Variants in IMPG1 observed in about 807,000 individuals in gnomAD.
IMPG1 encodes the protein interphotoreceptor matrix proteoglycan of 150 kDa.
Under a neutral mutation model 92.0 loss-of-function variants are expected in IMPG1, and 85 were observed. That is an observed-to-expected ratio of 0.92 (90% CI 0.78 to 1.11). The LOEUF is 1.11. Ranked by LOEUF, IMPG1 falls within the 50% of genes least tolerant of loss-of-function variation. The pLI, the probability that IMPG1 is intolerant of heterozygous loss-of-function variation, is 0.00. For missense variants in IMPG1, 1,022 were observed against 956.0 expected (o/e 1.07, Z -0.91); for synonymous variants, 367 against 334.1 (o/e 1.10, Z -1.08).
chr6:76,014,027 C>T (rs774330406), intron 7 of IMPG1, among the ~76,000 whole-genome samples: 1 of 152,172 alleles, frequency 6.6e-6, no homozygotes, highest in East Asian at 1.9e-4. Flanking sequence ...TGATCCGGAG[C>T]TCTTTGTACG....
intron 6 of IMPG1, among the ~76,000 whole-genome samples, 173 bp downstream of exon 6, chr6:76,021,943 C>T (rs1783434350): frequency 6.6e-6 from 1 of 151,318 alleles, no homozygotes; most frequent in South Asian, 2.1e-4. Flanking sequence ...CCCCTCAGTA[C>T]CTAGGAAGAA....
At chr6:75,965,506 C>T (rs1197960907) in intron 12 of IMPG1, among the ~76,000 whole-genome samples, 4 of 151,716 alleles carry the variant, frequency 2.6e-5, no homozygotes, top group East Asian at 1.9e-4. Flanking sequence ...GGTAAAATGT[C>T]CCTCCCTATT....
At chr6:75,972,516 T>A (rs1227380296) in intron 12 of IMPG1, among the ~76,000 whole-genome samples, 1 of 152,134 alleles carries the variant, frequency 6.6e-6, no homozygotes, top group African/African-American at 2.4e-5. Context: ...AGACCTGCTG[T>A]CCACTCTTTC....
At chr6:75,958,487 C>T (rs1245672112) in intron 12 of IMPG1, among the ~76,000 whole-genome samples, 1 of 152,170 alleles carries the variant, frequency 6.6e-6, no homozygotes, top group Non-Finnish European at 1.5e-5. Flanking sequence ...CATTTTCCAA[C>T]TTGGTTCCAT....
At chr6:75,934,135 A>T (rs957813597) in intron 14 of IMPG1, among the ~76,000 whole-genome samples, 4 of 152,176 alleles carry the variant, frequency 2.6e-5, no homozygotes, top group Non-Finnish European at 5.9e-5. Context: ...TGGCAGACAT[A>T]TCAGACTTCC....
chr6:75,949,978 T>C (rs1019618699), intron 13 of IMPG1, among the ~76,000 whole-genome samples: 4 of 152,208 alleles, frequency 2.6e-5, no homozygotes, highest in Non-Finnish European at 5.9e-5. Flanking sequence ...TTTCTTATTG[T>C]ATATGTAGAA....
intron 6 of IMPG1, among the ~76,000 whole-genome samples, chr6:76,020,046 T>C (rs147051297): frequency 4.6e-5 from 7 of 152,222 alleles, no homozygotes; most frequent in African/African-American, 1.7e-4. Context: ...AATATTTTAT[T>C]TATTTCTTTT....
intron 2 of IMPG1, among the ~76,000 whole-genome samples, 160 bp downstream of exon 2, chr6:76,041,733 T>C (rs1783845966): frequency 6.6e-6 from 1 of 152,236 alleles, no homozygotes; most frequent in African/African-American, 2.4e-5. Context: ...GTTTTGAATG[T>C]TTATTATTCA....
intron 14 of IMPG1, among the ~76,000 whole-genome samples, chr6:75,945,571 G>C (rs943365286): frequency 6.6e-6 from 1 of 151,932 alleles, no homozygotes; most frequent in African/African-American, 2.4e-5. Context: ...GGCTGATTTC[G>C]AACTCCTGAC....
chr6:76,009,631 T>C (rs1407791880), intron 8 of IMPG1, among the ~76,000 whole-genome samples: 1 of 152,216 alleles, frequency 6.6e-6, no homozygotes, highest in Admixed American at 6.5e-5. Context: ...ACTGGGAAAA[T>C]GTGATCAAAC....
intron 1 of IMPG1, among the ~76,000 whole-genome samples, chr6:76,069,808 A>T (rs1368752408): frequency 6.6e-6 from 1 of 152,166 alleles, no homozygotes; most frequent in Non-Finnish European, 1.5e-5. Flanking sequence ...AACAAACCAA[A>T]AATGAAATCA....
chr6:76,044,329 T>A (rs1783895933), intron 1 of IMPG1, among the ~76,000 whole-genome samples: 1 of 152,164 alleles, frequency 6.6e-6, no homozygotes, highest in South Asian at 2.1e-4. Flanking sequence ...CCATTTAGAA[T>A]GGAAGAAAAA....
chr6:75,921,909 A>G lies in IMPG1; in HGVS notation c.*180T>C. 2.2e-6 allele frequency: 1 copy of G among 445,412 alleles called. No homozygotes were observed. Among genetic ancestry groups the G allele is most frequent in the South Asian group, 3.4e-5 (1 of 29,392 alleles). 27.6% of individuals were successfully genotyped at this position (445,412 alleles called of 1,614,324 possible). ...AATAAGTAAGTGTCTTTTTCTTCAG[A>G]ATTTACTGGTTGCCAAGTACATGAC... On this transcript the variant is annotated 3_prime_UTR_variant, in exon 17 of 17. Coordinates refer to ENST00000369950, the MANE Select transcript of IMPG1 (RefSeq NM_001563.4).
chr6:76,014,149 C>G (rs948855154), intron 7 of IMPG1, among the ~76,000 whole-genome samples: 4 of 152,182 alleles, frequency 2.6e-5, no homozygotes, highest in Admixed American at 1.3e-4. Context: ...ACAATGACAA[C>G]TAATAAGTAA....
chr6:75,935,178 C>T (rs1781724105), intron 14 of IMPG1: 2 of 380,462 alleles, frequency 5.3e-6, no homozygotes, highest in East Asian at 1.5e-4. Flanking sequence ...ACTTTAAAAA[C>T]CACTGTGCCT....
chr6:76,065,480 A>C (rs1479784302), intron 1 of IMPG1, among the ~76,000 whole-genome samples: 1 of 152,176 alleles, frequency 6.6e-6, no homozygotes, highest in Non-Finnish European at 1.5e-5. Flanking sequence ...GACCAAGTGA[A>C]AGAAAGAATA....
At chr6:76,026,154 TC>T (rs1392879752) in intron 4 of IMPG1, among the ~76,000 whole-genome samples, 1 of 151,930 alleles carries the variant, frequency 6.6e-6, no homozygotes, top group East Asian at 1.9e-4. Flanking sequence ...CTAGCAAGAG[TC>T]CCTATTTTCC....
At chr6:75,955,061 T>G (rs1371715664) in intron 12 of IMPG1, among the ~76,000 whole-genome samples, 1 of 152,232 alleles carries the variant, frequency 6.6e-6, no homozygotes, top group Non-Finnish European at 1.5e-5. Context: ...CTTCCAGCTT[T>G]GTTCTTTTTG....
intron 12 of IMPG1, among the ~76,000 whole-genome samples, chr6:75,959,090 T>C (rs965275409): frequency 6.6e-6 from 1 of 152,174 alleles, no homozygotes; most frequent in Non-Finnish European, 1.5e-5. Context: ...TTGTTGTTAA[T>C]GCTATTCATT....
Sources: gnomAD v4.1 joint callset for allele counts (sites outside exome capture counted in the v4.1 genomes callset) on GRCh38, gnomAD v4.1.1 for gene constraint, MANE v1.5 for transcripts, NCBI Gene and HGNC (gene_info 2026-07-23, HGNC 2026-07-21) for gene names.